KCNMA1: variants seen among roughly 807,000 people sequenced by gnomAD.
The protein encoded by KCNMA1 is Calcium-activated potassium channel subunit alpha-1.
A neutral mutation model predicts 140.0 loss-of-function variants in KCNMA1; 29 were observed. The observed-to-expected ratio is 0.21, with a 90% CI of 0.15 to 0.28. The LOEUF is 0.28. Among genes scored for constraint, KCNMA1 ranks in the 10% least tolerant of loss-of-function variants. The probability of loss-of-function intolerance (pLI) is 1.00; values close to 1 mark genes in which losing one functional copy is unlikely to be tolerated. For missense variants in KCNMA1, 880 were observed against 1,602.2 expected (o/e 0.55, Z 7.70); for synonymous variants, 612 against 611.9 (o/e 1.00, Z 0.00).
intron 1 of KCNMA1, among the ~76,000 whole-genome samples, chr10:77,598,331 G>C (rs2081538338): frequency 6.6e-6 from 1 of 152,196 alleles, no homozygotes; most frequent in African/African-American, 2.4e-5. Context: ...GTTTTTCCCT[G>C]TCTTGTTCCC....
At chr10:77,005,583 C>T (rs1485072243) in intron 18 of KCNMA1, among the ~76,000 whole-genome samples, 1 of 152,202 alleles carries the variant, frequency 6.6e-6, no homozygotes. Context: ...AGTTTACCCT[C>T]TGGTTCACAT....
At chr10:77,636,850 G>A in intron 1 of KCNMA1, 1 of 1,428,530 alleles carries the variant, frequency 7.0e-7, no homozygotes, top group Non-Finnish European at 9.1e-7. Context: ...CTCGCCCACC[G>A]CCAGGAGCCG....
intron 25 of KCNMA1, among the ~76,000 whole-genome samples, chr10:76,909,435 C>G (rs986887474): frequency 6.6e-6 from 1 of 152,122 alleles, no homozygotes; most frequent in African/African-American, 2.4e-5. Context: ...CCTTCAGTGC[C>G]TCTTCATTAT....
intron 2 of KCNMA1, among the ~76,000 whole-genome samples, chr10:77,304,112 C>T (rs2077134618): frequency 6.6e-6 from 1 of 152,154 alleles, no homozygotes; most frequent in Non-Finnish European, 1.5e-5. Flanking sequence ...AACCACACCT[C>T]AGCTACCTGA....
intron 9 of KCNMA1, among the ~76,000 whole-genome samples, chr10:77,101,830 T>C (rs899164507): frequency 2.0e-5 from 3 of 152,130 alleles, no homozygotes; most frequent in African/African-American, 7.2e-5. Flanking sequence ...CAAGTAAACA[T>C]GGAAAGAAAA....
chr10:77,335,021 C>T (rs1014732439), intron 2 of KCNMA1, among the ~76,000 whole-genome samples: 1 of 152,114 alleles, frequency 6.6e-6, no homozygotes, highest in Admixed American at 6.6e-5. Context: ...ATATTGGACC[C>T]TCAGGGTTAG....
intron 24 of KCNMA1, chr10:76,910,774 C>T (rs562899846): frequency 1.3e-4 from 21 of 158,258 alleles, no homozygotes; most frequent in South Asian, 3.7e-4. Flanking sequence ...GGGACGCCCA[C>T]GTTCTCCCTT....
chr10:77,166,644 G>C (rs897417895), intron 5 of KCNMA1, among the ~76,000 whole-genome samples: 5 of 151,780 alleles, frequency 3.3e-5, no homozygotes, highest in African/African-American at 1.2e-4. Context: ...GAGAGGGAGA[G>C]GAGAAGGAGG....
chr10:77,272,382 TG>T (rs2065398021), intron 2 of KCNMA1, among the ~76,000 whole-genome samples: 2 of 152,196 alleles, frequency 1.3e-5, no homozygotes, highest in African/African-American at 4.8e-5. Flanking sequence ...TTTCATATTT[TG>T]AAGGCAGTCA....
intron 5 of KCNMA1, among the ~76,000 whole-genome samples, chr10:77,153,457 A>G (rs2154062118): frequency 6.6e-6 from 1 of 152,156 alleles, no homozygotes; most frequent in Non-Finnish European, 1.5e-5. Context: ...CTGCAACCTC[A>G]GTCTCCAGGG....
intron 17 of KCNMA1, among the ~76,000 whole-genome samples, chr10:77,016,152 A>G (rs1225978358): frequency 6.6e-6 from 1 of 151,970 alleles, no homozygotes; most frequent in African/African-American, 2.4e-5. Context: ...CCCTATCCAC[A>G]ATGAACTTCT....
intron 2 of KCNMA1, among the ~76,000 whole-genome samples, chr10:77,282,224 G>C (rs982133536): frequency 6.6e-6 from 1 of 152,054 alleles, no homozygotes; most frequent in African/African-American, 2.4e-5. Flanking sequence ...ACAATGTGTG[G>C]GGGCAGATTT....
chr10:77,636,083 G>T (rs999112366), intron 1 of KCNMA1: 35 of 520,212 alleles, frequency 6.7e-5, no homozygotes, highest in Middle Eastern at 6.1e-4. Context: ...TGTGGAGGCT[G>T]CAATGTGTAT....
chr10:77,460,530 T>TGC (rs1215143933), intron 1 of KCNMA1, among the ~76,000 whole-genome samples: 1 of 145,532 alleles, frequency 6.9e-6, no homozygotes, highest in Non-Finnish European at 1.5e-5. Context: ...GGTACACACG[T>TGC]GCACACACAC....
At chr10:77,458,444 C>A (rs991866846) in intron 1 of KCNMA1, among the ~76,000 whole-genome samples, 1 of 152,212 alleles carries the variant, frequency 6.6e-6, no homozygotes, top group Non-Finnish European at 1.5e-5. Context: ...CCTGCCTGGA[C>A]AGGGAATGAC....
chr10:77,018,907 A>G, intron 17 of KCNMA1, 106 bp downstream of exon 17: 1 of 728,508 alleles, frequency 1.4e-6, no homozygotes, highest in South Asian at 1.5e-5. Context: ...GTTGATGGCC[A>G]TAGACATGTT....
At chr10:77,079,744 T>C (rs968189605) in intron 12 of KCNMA1, 194 bp from the exon 13 acceptor site, 24 of 627,558 alleles carry the variant, frequency 3.8e-5, no homozygotes, top group African/African-American at 3.8e-4. Context: ...GAAGCAACTT[T>C]TCACTGGACA....
At chr10:77,227,464 G>A (rs2051897344) in intron 3 of KCNMA1, among the ~76,000 whole-genome samples, 1 of 152,070 alleles carries the variant, frequency 6.6e-6, no homozygotes, top group Non-Finnish European at 1.5e-5. Flanking sequence ...TTTGTAGATG[G>A]GTAGCTCCCA....
chr10:77,407,627 A>G (rs1219925576), intron 1 of KCNMA1, among the ~76,000 whole-genome samples: 1 of 152,232 alleles, frequency 6.6e-6, no homozygotes, highest in African/African-American at 2.4e-5. Flanking sequence ...CAGAGAGCCC[A>G]CCTGGGCTTG....
Sources: allele counts gnomAD v4.1 joint callset (sites outside exome capture counted in the v4.1 genomes callset), GRCh38; gene constraint gnomAD v4.1.1; transcripts MANE v1.5; gene names NCBI Gene and HGNC (gene_info 2026-07-23, HGNC 2026-07-21).